The following DSCAML1 variants were observed in gnomAD, a reference collection of about 807,000 sequenced individuals.
The protein encoded by DSCAML1 is cell adhesion molecule DSCAML1.
DSCAML1 carries 38 observed loss-of-function variants against 200.5 expected under a neutral mutation model. The ratio of observed to expected loss-of-function variants is 0.19; its 90% CI spans 0.15 to 0.25. The LOEUF is 0.25. Among genes scored for constraint, DSCAML1 ranks in the 10% least tolerant of loss-of-function variants. The probability of loss-of-function intolerance (pLI) is 1.00; values close to 1 mark genes in which losing one functional copy is unlikely to be tolerated. For missense variants in DSCAML1, 2,223 were observed against 2,858.8 expected, an observed-to-expected ratio of 0.78 and a Z score of 5.07; for synonymous variants, 1,215 against 1,165.0, an observed-to-expected ratio of 1.04 and a Z score of -0.87.
intron 3 of DSCAML1, among the ~76,000 whole-genome samples, chr11:117,651,071 G>A (rs2052622752): frequency 6.6e-6 from 1 of 152,234 alleles, no homozygotes; most frequent in East Asian, 1.9e-4. Context: ...CTGTGACCAT[G>A]GGGGACATGG....
At chr11:117,448,537 A>G (rs1160552411) in intron 20 of DSCAML1, among the ~76,000 whole-genome samples, 1 of 151,500 alleles carries the variant, frequency 6.6e-6, no homozygotes, top group Non-Finnish European at 1.5e-5. Flanking sequence ...TGCCACGGGA[A>G]GAAGCCGCGG....
chr11:117,680,165 T>G (rs1219071097), intron 3 of DSCAML1, among the ~76,000 whole-genome samples: 2 of 152,244 alleles, frequency 1.3e-5, no homozygotes, highest in Non-Finnish European at 2.9e-5. Flanking sequence ...TTCCTTTCTC[T>G]TGCTGTCCTC....
rs1565671948 is a variant in DSCAML1, at chr11:117,432,451, T to C, written c.5080A>G (p.Asn1694Asp). The change falls in exon 30 of 33, where the codon AAC becomes GAC. Residue 1694 changes from asparagine (N) to aspartate (D), a missense_variant. Coordinates refer to ENST00000651296, the MANE Select transcript of DSCAML1 (RefSeq NM_020693.4). Reference protein sequence around the residue: ...VTDAEFSQAVNPQSFCTGVSL... With the variant: ...VTDAEFSQAVDPQSFCTGVSL... ...ACGCCAGTACAGAAGCTCTGTGGGT[T>C]GACAGCTTGGCTGAACTCAGCATCT... The C allele has an allele frequency of 4.3e-6, 7 of 1,614,234 alleles. No individual in the cohort carries two copies. The highest frequency in any genetic ancestry group is 5.9e-6 in the Non-Finnish European group (7 of 1,180,040).
chr11:117,471,760 G>GCAAGCTCATTGCCAGTGAACAGGACC (rs2048689827), intron 15 of DSCAML1, 109 bp downstream of exon 15: 13 of 1,185,098 alleles, frequency 1.1e-5, no homozygotes, highest in South Asian at 1.8e-5. Context: ...TTTTCCCCAC[G>GCAAGCTCATTGCCAGTGAACAGGACC]CCACCCCCTT....
chr11:117,481,868 G>T (rs2048929718), intron 12 of DSCAML1, 95 bp downstream of exon 12: 9 of 1,441,766 alleles, frequency 6.2e-6, no homozygotes, highest in Non-Finnish European at 8.6e-6. Flanking sequence ...GGGCTCCCAG[G>T]CTCCCCATTT....
intron 3 of DSCAML1, among the ~76,000 whole-genome samples, chr11:117,616,156 G>A (rs771438363): frequency 7.9e-5 from 12 of 152,166 alleles, no homozygotes; most frequent in Non-Finnish European, 1.0e-4. Flanking sequence ...CTTCTTTCTA[G>A]GCAGGATTCC....
At chr11:117,676,331 A>G (rs2053211656) in intron 3 of DSCAML1, among the ~76,000 whole-genome samples, 1 of 152,176 alleles carries the variant, frequency 6.6e-6, no homozygotes, top group African/African-American at 2.4e-5. Context: ...AGGGGTAAGG[A>G]AAGCGTTTGG....
intron 3 of DSCAML1, among the ~76,000 whole-genome samples, chr11:117,634,804 C>T (rs545647424): frequency 1.3e-5 from 2 of 152,210 alleles, no homozygotes; most frequent in Non-Finnish European, 2.9e-5. Flanking sequence ...CAGGTTGGAG[C>T]TTGGACATCC....
intron 20 of DSCAML1, among the ~76,000 whole-genome samples, chr11:117,449,869 G>A (rs561213488): frequency 1.3e-5 from 2 of 152,220 alleles, no homozygotes; most frequent in South Asian, 4.2e-4. Flanking sequence ...TGGGATATAG[G>A]TGCATATCCC....
intron 3 of DSCAML1, among the ~76,000 whole-genome samples, chr11:117,761,616 A>G (rs984292852): frequency 2.0e-5 from 3 of 152,210 alleles, no homozygotes; most frequent in Non-Finnish European, 2.9e-5. Flanking sequence ...CATGCCAATA[A>G]TCTCAGCACT....
intron 3 of DSCAML1, among the ~76,000 whole-genome samples, chr11:117,617,197 G>A (rs1393168886): frequency 6.6e-6 from 1 of 152,150 alleles, no homozygotes; most frequent in Non-Finnish European, 1.5e-5. Flanking sequence ...TGGGGAGCTG[G>A]TGTTTCAGAC....
intron 3 of DSCAML1, among the ~76,000 whole-genome samples, chr11:117,673,413 T>C (rs1026480546): frequency 1.3e-5 from 2 of 152,182 alleles, no homozygotes; most frequent in African/African-American, 4.8e-5. Context: ...TCCTGTCTCC[T>C]GCCCATTTCT....
At chr11:117,479,735 G>A (rs1227547027) in intron 14 of DSCAML1, among the ~76,000 whole-genome samples, 2 of 152,082 alleles carry the variant, frequency 1.3e-5, no homozygotes, top group South Asian at 2.1e-4. Context: ...TGCAACCTCC[G>A]CCTCATGGGT....
chr11:117,655,980 A>T (rs17121040), intron 3 of DSCAML1, among the ~76,000 whole-genome samples: 1,987 of 152,280 alleles, frequency 0.013, 38 homozygotes, highest in African/African-American at 0.044. Flanking sequence ...AAGATGTTGT[A>T]AAGAGAGCAC....
chr11:117,444,172 C>T (rs996051952), intron 20 of DSCAML1, 133 bp from the exon 21 acceptor site: 78 of 1,120,934 alleles, frequency 7.0e-5, no homozygotes, highest in Non-Finnish European at 1.1e-5. Context: ...TCCTATTTGC[C>T]CTTTCCAAGT....
intron 3 of DSCAML1, among the ~76,000 whole-genome samples, chr11:117,673,158 A>T (rs1263406464): frequency 6.6e-6 from 1 of 152,196 alleles, no homozygotes; most frequent in Non-Finnish European, 1.5e-5. Context: ...CCTTGCTGCC[A>T]GTCTAACTGT....
intron 1 of DSCAML1, among the ~76,000 whole-genome samples, chr11:117,812,838 C>T (rs1333743235): frequency 1.3e-5 from 2 of 149,620 alleles, no homozygotes; most frequent in African/African-American, 4.9e-5. Context: ...TACACAAGAG[C>T]CAGGACCGCA....
At chr11:117,652,845 A>C (rs767729578) in intron 3 of DSCAML1, among the ~76,000 whole-genome samples, 6 of 152,190 alleles carry the variant, frequency 3.9e-5, no homozygotes, top group Non-Finnish European at 8.8e-5. Context: ...TTTCACAGGC[A>C]CAGAAAGCTT....
Position 117,438,048 on chromosome 11 carries a change from C to G in DSCAML1, c.4279G>C (p.Glu1427Gln). 6.2e-7 allele frequency: 1 copy of G among 1,613,972 alleles called. No individual in the cohort carries two copies. The highest frequency in any genetic ancestry group is 8.5e-7 in the Non-Finnish European group (1 of 1,179,926). Residue 1427 changes from glutamate (E) to glutamine (Q), a missense_variant, in exon 25 of 33, where the codon GAG becomes CAG. Physicochemically the swap from Glu to Gln is conservative, Grantham distance 29. Transcript: ENST00000651296. The stretch of plus-strand genomic sequence containing the variant: ...GAGCTGATGAACACATCCTTCCACT[C>G]CTCGCTGTTGTCCACCGAGTACTGT... ...VLQYSVDNSE[E>Q]WKDVFISSSE...
Sources: gnomAD v4.1 joint callset for allele counts (sites outside exome capture counted in the v4.1 genomes callset) on GRCh38, gnomAD v4.1.1 for gene constraint, MANE v1.5 for transcripts, NCBI Gene and HGNC (gene_info 2026-07-23, HGNC 2026-07-21) for gene names.